The following URB2 variants were observed in gnomAD, a reference collection of about 807,000 sequenced individuals.
URB2 encodes the protein URB2 ribosome biogenesis homolog.
URB2 carries 86 observed loss-of-function variants against 120.9 expected under a neutral mutation model. That is an observed-to-expected ratio of 0.71 (90% confidence interval 0.60 to 0.85). The LOEUF (loss-of-function observed/expected upper bound fraction) is 0.85, where lower values mean the gene tolerates loss of function less well. Ranked by LOEUF, URB2 falls within the 40% of genes least tolerant of loss-of-function variation. URB2 has a pLI of 0.00. For missense variants in URB2, 1,765 were observed against 1,836.5 expected (o/e 0.96, Z 0.71); for synonymous variants, 755 against 758.4 (o/e 1.00, Z 0.07).
chr1:229,637,201 G>A lies in URB2; in HGVS notation c.2588G>A (p.Gly863Asp). ...ENRFAKAGPE[G>D]IEPRGEIAQN... ...AGATTTGCAAAAGCTGGACCCGAAG[G>A]TATAGAACCTAGAGGAGAAATTGCC... The change falls in exon 4 of 10, where the codon GGT becomes GAT. Residue 863 changes from glycine to aspartate, a missense_variant. Transcript: ENST00000258243. 1 of 1,613,912 alleles carries A rather than the reference G, an allele frequency of 6.2e-7. No homozygotes were observed. The highest frequency in any genetic ancestry group is 1.1e-5 in the South Asian group (1 of 91,064).
In URB2 at chr1:229,645,008, G is replaced by T. The variant is rs150666314; in HGVS notation, c.3796-851G>T. Among the ~76,000 whole-genome samples the T allele has an allele frequency of 6.8e-3, 1,029 of 152,214 alleles. 13 individuals are homozygous for T. The highest frequency in any genetic ancestry group is 0.023 in the African/African-American group (972 of 41,520). ...TATGTATAAAAGTTAAATTCTGGCCGGGTGCGGTGGCTCATGCCTGTAATC... is the reference window on the plus strand; with the variant it reads ...TATGTATAAAAGTTAAATTCTGGCCTGGTGCGGTGGCTCATGCCTGTAATC... On this transcript the variant is annotated intron_variant, in intron 5 of 9. Coordinates refer to ENST00000258243, the MANE Select transcript of URB2 (RefSeq NM_014777.4).
In URB2 at chr1:229,645,285, CG is replaced by C. The variant is rs748650330; in HGVS notation, c.3796-573del. 4.8e-5 allele frequency among the ~76,000 whole-genome samples: 6 copies of C among 126,158 alleles called. 2 individuals are homozygous for C. Among genetic ancestry groups the C allele is most frequent in the Admixed American group, 1.6e-4 (2 of 12,204 alleles). 82.8% of individuals were successfully genotyped at this position (126,158 alleles called of 152,430 possible). On this transcript the variant is annotated intron_variant, in intron 5 of 9. Coordinates refer to ENST00000258243, the MANE Select transcript of URB2 (RefSeq NM_014777.4). ...TGGGTGACAGAGCGAGACTCGGTCT[CG>C]AAAAAAAAAAAAAAGTTAAATTCTG...
intron 7 of URB2, among the ~76,000 whole-genome samples, chr1:229,648,673 G>T (rs944896368): frequency 6.6e-6 from 1 of 152,170 alleles, no homozygotes; most frequent in African/African-American, 2.4e-5. Flanking sequence ...AATTTGACCA[G>T]TGTCACTTAG....
rs768077441 is a variant in URB2, at chr1:229,637,203, A to G, written c.2590A>G (p.Ile864Val). The change falls in exon 4 of 10, where the codon ATA (isoleucine) becomes GTA (valine). Residue 864 changes from isoleucine (I) to valine (V), a missense_variant. Coordinates refer to ENST00000258243, the MANE Select transcript of URB2 (RefSeq NM_014777.4). Reference sequence around the variant, plus strand: ...ATTTGCAAAAGCTGGACCCGAAGGTATAGAACCTAGAGGAGAAATTGCCCA... The same window carrying G: ...ATTTGCAAAAGCTGGACCCGAAGGTGTAGAACCTAGAGGAGAAATTGCCCA... Reference protein sequence around the residue: ...NRFAKAGPEGIEPRGEIAQNL... With the variant: ...NRFAKAGPEGVEPRGEIAQNL... The G allele has an allele frequency of 6.8e-6, 11 of 1,613,830 alleles. No individual in the cohort carries two copies. Among genetic ancestry groups the G allele is most frequent in the African/African-American group, 2.7e-5 (2 of 74,926 alleles).
chr1:229,643,981 A>G (rs549620677), intron 5 of URB2, among the ~76,000 whole-genome samples: 1 of 152,400 alleles, frequency 6.6e-6, no homozygotes, highest in South Asian at 2.1e-4. Flanking sequence ...TCCATAAAAA[A>G]GTTAAATTCT....
At chr1:229,656,492 C>T (rs1320437069) in intron 9 of URB2, among the ~76,000 whole-genome samples, 1 of 152,200 alleles carries the variant, frequency 6.6e-6, no homozygotes, top group Non-Finnish European at 1.5e-5. Flanking sequence ...CACCACAGTC[C>T]ATGTTCTATC....
chr1:229,637,398 C>G lies in URB2; in HGVS notation c.2785C>G (p.Leu929Val). Residue 929 changes from leucine (L) to valine (V), a missense_variant, in exon 4 of 10, where the codon CTA (leucine) becomes GTA (valine). Leu to Val is a conservative substitution (Grantham distance 32). Coordinates refer to ENST00000258243, the MANE Select transcript of URB2 (RefSeq NM_014777.4). ...GTTACTGTCCATGGCCGTCACCAAA[C>G]TAGGATGCTCTTGCTCCTCCTCACT... ...LVLLSMAVTKLGCSCSSSLAL... is the reference protein window; with the variant it reads ...LVLLSMAVTKVGCSCSSSLAL... 1 of 1,614,212 alleles carries G rather than the reference C, an allele frequency of 6.2e-7. No homozygotes were observed. The highest frequency in any genetic ancestry group is 8.5e-7 in the Non-Finnish European group (1 of 1,180,046).
rs368956201 is a variant in URB2 at position 229,636,461 on chromosome 1, G to A, written c.1848G>A (p.Val616=). 1 of 1,614,126 alleles carries A rather than the reference G, an allele frequency of 6.2e-7. No homozygotes were observed. The highest frequency in any genetic ancestry group is 1.7e-5 in the Admixed American group (1 of 60,014). Residue 616 remains valine (V), a synonymous_variant, in exon 4 of 10, where the codon GTG becomes GTA. Coordinates refer to ENST00000258243, the MANE Select transcript of URB2 (RefSeq NM_014777.4). ...TGCTCTCTTACACTTGGGCCCAGGTGGACGCTATGTTCAGTTTGAACTGTA... is the reference window on the plus strand; with the variant it reads ...TGCTCTCTTACACTTGGGCCCAGGTAGACGCTATGTTCAGTTTGAACTGTA... ...VLLLSYTWAQ[V]DAMFSLNCSQ... is the part of the protein sequence containing the mutation.
At chr1:229,632,552 AAGGT>A in intron 3 of URB2, 107 bp downstream of exon 3, 2 of 900,658 alleles carry the variant, frequency 2.2e-6, no homozygotes, top group South Asian at 5.8e-5. Flanking sequence ...AGGAAATACT[AAGGT>A]AGGAGAAAAA....
chr1:229,653,968 C>A (rs777843502), intron 8 of URB2, among the ~76,000 whole-genome samples: 10 of 112,128 alleles, frequency 8.9e-5, no homozygotes, highest in Non-Finnish European at 1.2e-4. Flanking sequence ...TTTAAGTAAT[C>A]CTAGATTTCA....
At chr1:229,629,445 G>A (rs774699506) in intron 2 of URB2, among the ~76,000 whole-genome samples, 1 of 152,104 alleles carries the variant, frequency 6.6e-6, no homozygotes, top group African/African-American at 2.4e-5. Flanking sequence ...TTGGTTCCAC[G>A]TCACTGAAAT....
rs555951507 is a variant in URB2, at chr1:229,636,468, A to G, written c.1855A>G (p.Met619Val). 34 of 1,614,196 alleles carry G rather than the reference A, an allele frequency of 2.1e-5. No homozygotes were observed. Among genetic ancestry groups the G allele is most frequent in the Admixed American group, 5.0e-5 (3 of 60,024 alleles). ...LSYTWAQVDA[M>V]FSLNCSQYHS... is the part of the protein sequence containing the mutation. Reference sequence around the variant, plus strand: ...TTACACTTGGGCCCAGGTGGACGCTATGTTCAGTTTGAACTGTAGCCAGTA... The same window carrying G: ...TTACACTTGGGCCCAGGTGGACGCTGTGTTCAGTTTGAACTGTAGCCAGTA... The change falls in exon 4 of 10, where the codon ATG becomes GTG. Residue 619 changes from methionine to valine, a missense_variant. Met to Val is a conservative substitution (Grantham distance 21). Coordinates refer to ENST00000258243, the MANE Select transcript of URB2 (RefSeq NM_014777.4).
intron 4 of URB2, among the ~76,000 whole-genome samples, chr1:229,638,507 G>A (rs578117763): frequency 3.5e-4 from 54 of 152,212 alleles, no homozygotes; most frequent in Non-Finnish European, 6.5e-4. Context: ...TTAGCCGGGT[G>A]TGGTGGCAGG....
chr1:229,643,711 C>A lies in URB2; in HGVS notation c.3795+18C>A. On this transcript the variant is annotated intron_variant, in intron 5 of 9. Coordinates refer to ENST00000258243, the MANE Select transcript of URB2 (RefSeq NM_014777.4). Reference sequence around the variant, plus strand: ...ATGTGCAGGTGGGTGCCTTCTCCCTCCTTGTGTGGCAGGCTCAGAAACCAC... The same window carrying A: ...ATGTGCAGGTGGGTGCCTTCTCCCTACTTGTGTGGCAGGCTCAGAAACCAC... 1.2e-6 allele frequency: 2 copies of A among 1,604,500 alleles called. No individual in the cohort carries two copies. The highest frequency in any genetic ancestry group is 1.7e-6 in the Non-Finnish European group (2 of 1,174,814).
At chr1:229,647,999 T>C (rs146763296) in intron 7 of URB2, among the ~76,000 whole-genome samples, 1 of 152,346 alleles carries the variant, frequency 6.6e-6, no homozygotes, top group East Asian at 1.9e-4. Context: ...GAATAGTGTT[T>C]GTATACTACA....
intron 4 of URB2, among the ~76,000 whole-genome samples, chr1:229,640,465 G>A (rs557840847): frequency 1.3e-5 from 2 of 152,292 alleles, no homozygotes; most frequent in South Asian, 2.1e-4. Flanking sequence ...TGGTGGTAAC[G>A]AAAGGGCTGG....
chr1:229,632,346 A>G lies in URB2; in HGVS notation c.204A>G (p.Glu68=), dbSNP rs768551435. The G allele has an allele frequency of 2.5e-6, 4 of 1,596,782 alleles. No homozygotes were observed. The East Asian group carries it at 9.1e-5, about 36-fold the overall frequency. Residue 68 remains glutamate (E), a synonymous_variant, in exon 3 of 10, where the codon GAA becomes GAG. Coordinates refer to ENST00000258243, the MANE Select transcript of URB2 (RefSeq NM_014777.4). ...TTGAACTGAAGGAAGATATTGTTGA[A>G]AGGCTTTGGATCTATATAGATAACA... The part of the protein sequence containing the change: ...KKLELKEDIV[E]RLWIYIDNIL...
In URB2 at chr1:229,659,699, A is replaced by G. The variant is rs185401896; in HGVS notation, c.*402A>G. 162 of 156,396 alleles carry G rather than the reference A, an allele frequency of 1.0e-3. No individual in the cohort carries two copies. The highest frequency in any genetic ancestry group is 8.8e-4 in the Non-Finnish European group (62 of 70,660). 9.7% of individuals were successfully genotyped at this position (156,396 alleles called of 1,614,324 possible). The stretch of plus-strand genomic sequence containing the variant: ...GGGCGTATAATTCAGCCCTGTTTAA[A>G]TATACTTGCCTTTCAAATTCTTCAA... On this transcript the variant is annotated 3_prime_UTR_variant, in exon 10 of 10. Transcript: ENST00000258243.
Position 229,637,259 on chromosome 1 carries a change from C to T in URB2, c.2646C>T (p.Phe882=), listed in dbSNP as rs559764814. The T allele has an allele frequency of 2.5e-6, 4 of 1,614,104 alleles. No individual in the cohort carries two copies. The South Asian group carries it at 3.3e-5, about 13-fold the overall frequency. ...TACTGTCCCTGGTCAAGAGTGACTT[C>T]CCTATCCAGCTGGAGGGAGAGCAGT... ...QNLLSLVKSD[F]PIQLEGEQLE... Residue 882 remains phenylalanine, a synonymous_variant, in exon 4 of 10, where the codon TTC becomes TTT. Transcript: ENST00000258243.
Sources: allele counts gnomAD v4.1 joint callset (sites outside exome capture counted in the v4.1 genomes callset), GRCh38; gene constraint gnomAD v4.1.1; transcripts MANE v1.5; gene names NCBI Gene and HGNC (gene_info 2026-07-23, HGNC 2026-07-21).